The following MAF variants were observed in gnomAD, a reference collection of about 807,000 sequenced individuals.
The protein encoded by MAF is MAF bZIP transcription factor.
In MAF, 10 loss-of-function variants were observed where a neutral mutation model predicts 22.0. The observed-to-expected ratio is 0.45, with a 90% CI of 0.28 to 0.77. The LOEUF (loss-of-function observed/expected upper bound fraction) is 0.77, where lower values mean the gene tolerates loss of function less well. Ranked by LOEUF, MAF falls within the 30% of genes least tolerant of loss-of-function variation. MAF has a pLI of 0.12. For synonymous variants in MAF, 337 were observed against 255.8 expected (o/e 1.32, Z -3.03); for missense variants, 544 against 548.4 (o/e 0.99, Z 0.08).
chr16:79,316,204 A>C, the MAF span, among the ~76,000 whole-genome samples: 1 of 152,224 alleles, frequency 6.6e-6, no homozygotes. Flanking sequence ...TTGATGGTGG[A>C]GACTACTTTG....
chr16:79,373,836 C>A, the MAF span, among the ~76,000 whole-genome samples: 1 of 152,172 alleles, frequency 6.6e-6, no homozygotes, highest in Non-Finnish European at 1.5e-5. Context: ...GCCTTCATAA[C>A]TGTAAGAAGT....
At chr16:79,382,768 AT>A in the MAF span, among the ~76,000 whole-genome samples, 5 of 152,214 alleles carry the variant, frequency 3.3e-5, no homozygotes, top group Admixed American at 6.5e-5. Context: ...AAAAATGTGC[AT>A]TTATTCATAA....
the MAF span, among the ~76,000 whole-genome samples, chr16:79,516,698 T>C: frequency 6.6e-6 from 1 of 152,216 alleles, no homozygotes; most frequent in East Asian, 1.9e-4. Flanking sequence ...ATTTGGTAAA[T>C]GAGAAAAGTG....
At chr16:79,432,224 C>T in the MAF span, among the ~76,000 whole-genome samples, 1 of 152,138 alleles carries the variant, frequency 6.6e-6, no homozygotes, top group Admixed American at 6.5e-5. Context: ...CATTCTCTCT[C>T]CTGCCGCCCT....
chr16:79,576,841 C>T, the MAF span, among the ~76,000 whole-genome samples: 1 of 152,128 alleles, frequency 6.6e-6, no homozygotes. Flanking sequence ...TCTACACATG[C>T]CTTTGAGGGG....
At chr16:79,323,480 A>G in the MAF span, among the ~76,000 whole-genome samples, 1 of 152,184 alleles carries the variant, frequency 6.6e-6, no homozygotes, top group East Asian at 1.9e-4. Flanking sequence ...AAAAAGATTA[A>G]AAGAAGGGAA....
At chr16:79,560,085 T>C in the MAF span, among the ~76,000 whole-genome samples, 1 of 152,090 alleles carries the variant, frequency 6.6e-6, no homozygotes, top group Non-Finnish European at 1.5e-5. Flanking sequence ...TTTTTAGAAC[T>C]ATTTTTGTAG....
At chr16:79,501,104 A>G in the MAF span, among the ~76,000 whole-genome samples, 1 of 152,152 alleles carries the variant, frequency 6.6e-6, no homozygotes, top group Non-Finnish European at 1.5e-5. Flanking sequence ...GAAGTCCTAA[A>G]TCAAGGTGTC....
the MAF span, among the ~76,000 whole-genome samples, chr16:79,446,022 T>C: frequency 1.3e-5 from 2 of 151,630 alleles, no homozygotes; most frequent in African/African-American, 4.9e-5. Context: ...TAACCTGGCT[T>C]AGGGGTCAAT....
At chr16:79,322,244 T>C in the MAF span, among the ~76,000 whole-genome samples, 674 of 151,874 alleles carry the variant, frequency 4.4e-3, 11 homozygotes, top group African/African-American at 0.016. Context: ...AAAGAAATAA[T>C]AAGGAAAAAG....
chr16:79,365,044 A>G, the MAF span, among the ~76,000 whole-genome samples: 2 of 152,204 alleles, frequency 1.3e-5, no homozygotes, highest in Non-Finnish European at 2.9e-5. Context: ...GTCCCTAGTT[A>G]GAACTTAGTT....
At chr16:79,430,469 A>C in the MAF span, among the ~76,000 whole-genome samples, 2 of 152,178 alleles carry the variant, frequency 1.3e-5, no homozygotes, top group Non-Finnish European at 2.9e-5. Flanking sequence ...ACTCCGCAGA[A>C]CTGTTTCTGC....
At chr16:79,398,339 T>C in the MAF span, among the ~76,000 whole-genome samples, 4 of 152,196 alleles carry the variant, frequency 2.6e-5, no homozygotes, top group African/African-American at 9.7e-5. Flanking sequence ...TAACTTGCAG[T>C]ATGGAAATTA....
chr16:79,569,980 C>CA, the MAF span, among the ~76,000 whole-genome samples: 2 of 151,008 alleles, frequency 1.3e-5, no homozygotes, highest in Admixed American at 6.6e-5. Flanking sequence ...CTTCAAACCA[C>CA]AGCCCCCAAA....
chr16:79,597,867 G>C, intron 1 of MAF: 16 of 1,028,584 alleles, frequency 1.6e-5, no homozygotes, highest in Non-Finnish European at 1.9e-5. Context: ...GTTCATTGTT[G>C]CTAAGACAAA....
At chr16:79,306,435 A>T in the MAF span, among the ~76,000 whole-genome samples, 1 of 152,326 alleles carries the variant, frequency 6.6e-6, no homozygotes, top group South Asian at 2.1e-4. Context: ...TTTTAAGGAT[A>T]CACTTACCAG....
At chr16:79,217,341 C>T in the MAF span, among the ~76,000 whole-genome samples, 437 of 152,296 alleles carry the variant, frequency 2.9e-3, 5 homozygotes, top group Admixed American at 0.022. Flanking sequence ...GGCCTATAGA[C>T]TAGAAGCATA....
chr16:79,281,237 A>AAAT, the MAF span, among the ~76,000 whole-genome samples: 1 of 151,422 alleles, frequency 6.6e-6, no homozygotes, highest in Non-Finnish European at 1.5e-5. Flanking sequence ...AAAAAAAAAA[A>AAAT]GGACATGGAG....
chr16:79,217,194 T>G, the MAF span, among the ~76,000 whole-genome samples: 1 of 152,196 alleles, frequency 6.6e-6, no homozygotes, highest in South Asian at 2.1e-4. Context: ...TTTATGCTCA[T>G]AGGATGAAAG....
Sources: allele counts gnomAD v4.1 joint callset (sites outside exome capture counted in the v4.1 genomes callset), GRCh38; gene constraint gnomAD v4.1.1; transcripts MANE v1.5; gene names NCBI Gene and HGNC (gene_info 2026-07-23, HGNC 2026-07-21).